Variants in SENP7 observed in about 807,000 individuals in gnomAD.
SENP7 encodes the protein SUMO specific peptidase 7, also known as sentrin-specific protease 7.
SENP7 carries 64 observed loss-of-function variants against 141.2 expected under a neutral mutation model. The observed-to-expected ratio is 0.45, with a 90% CI of 0.37 to 0.56. The LOEUF (loss-of-function observed/expected upper bound fraction) is 0.56. Among genes scored for constraint, SENP7 ranks in the 20% least tolerant of loss-of-function variants. SENP7 has a pLI of 0.00. For missense variants in SENP7, 1,025 were observed against 1,212.2 expected (o/e 0.85, Z 2.29); for synonymous variants, 382 against 426.4 (o/e 0.90, Z 1.28).
At position 101,328,717 on chromosome 3, in the gene SENP7, C is replaced by T. The variant is rs758890241; in HGVS notation, c.2752-28G>A. On this transcript the variant is annotated intron_variant, in intron 20 of 23. Coordinates refer to ENST00000394095, the MANE Select transcript of SENP7 (RefSeq NM_020654.5). ...GAAATAACATAAATTTTTATGACTG[C>T]AATTAAAGCTATTTTGAATAATTTA... 47 of 1,542,820 alleles carry T rather than the reference C, an allele frequency of 3.0e-5. No individual in the cohort carries two copies. In the South Asian group the frequency reaches 5.2e-4, roughly 17 times the overall value.
chr3:101,437,511 A>C (rs1019830063), intron 4 of SENP7, among the ~76,000 whole-genome samples: 10 of 152,208 alleles, frequency 6.6e-5, no homozygotes, highest in African/African-American at 2.4e-4. Context: ...ATATGTACCC[A>C]CAAAAAAATT....
intron 16 of SENP7, among the ~76,000 whole-genome samples, chr3:101,338,182 T>A (rs1427779400): frequency 4.0e-5 from 6 of 151,652 alleles, no homozygotes; most frequent in South Asian, 2.1e-4. Flanking sequence ...AAAAAACTTT[T>A]AAAAATTCCT....
At chr3:101,491,884 G>A (rs2108097980) in intron 3 of SENP7, among the ~76,000 whole-genome samples, 1 of 152,248 alleles carries the variant, frequency 6.6e-6, no homozygotes, top group East Asian at 1.9e-4. Context: ...CTGAGGTTGG[G>A]AGTTCGAGAC....
At chr3:101,453,472 T>C (rs1359199129) in intron 4 of SENP7, among the ~76,000 whole-genome samples, 2 of 152,088 alleles carry the variant, frequency 1.3e-5, no homozygotes, top group African/African-American at 4.8e-5. Context: ...AACCCAAATG[T>C]CCAACAATGG....
chr3:101,351,336 T>C (rs2059607168), intron 12 of SENP7, among the ~76,000 whole-genome samples: 1 of 151,978 alleles, frequency 6.6e-6, no homozygotes, highest in South Asian at 2.1e-4. Context: ...TTATAGTTAC[T>C]ATTGTTATCC....
chr3:101,396,612 G>A (rs1177153074), intron 6 of SENP7, among the ~76,000 whole-genome samples: 1 of 152,034 alleles, frequency 6.6e-6, no homozygotes, highest in Non-Finnish European at 1.5e-5. Context: ...GGTACATAGG[G>A]CATTCAAAAT....
intron 5 of SENP7, among the ~76,000 whole-genome samples, chr3:101,408,442 G>C (rs1346662686): frequency 6.6e-6 from 1 of 151,998 alleles, no homozygotes; most frequent in Non-Finnish European, 1.5e-5. Flanking sequence ...CATGAAGACA[G>C]CATCACCTTA....
intron 12 of SENP7, among the ~76,000 whole-genome samples, chr3:101,349,872 A>G (rs776803802): frequency 1.3e-4 from 20 of 151,982 alleles, no homozygotes; most frequent in Non-Finnish European, 2.6e-4. Context: ...CAGTAACAGA[A>G]CCCTAATTTT....
At chr3:101,389,130 T>C (rs1422614627) in intron 6 of SENP7, among the ~76,000 whole-genome samples, 1 of 152,112 alleles carries the variant, frequency 6.6e-6, no homozygotes, top group Admixed American at 6.5e-5. Context: ...ATTTTTATTA[T>C]TTTATTTTTA....
intron 6 of SENP7, among the ~76,000 whole-genome samples, chr3:101,377,178 C>T (rs1265483925): frequency 6.6e-6 from 1 of 152,090 alleles, no homozygotes; most frequent in Non-Finnish European, 1.5e-5. Flanking sequence ...GTGCAATACA[C>T]AGGAGTTCCC....
intron 14 of SENP7, among the ~76,000 whole-genome samples, chr3:101,343,205 C>T (rs750877824): frequency 6.6e-6 from 1 of 152,124 alleles, no homozygotes; most frequent in Non-Finnish European, 1.5e-5. Flanking sequence ...AAAGTTACCA[C>T]TTTTCTTTTT....
intron 5 of SENP7, among the ~76,000 whole-genome samples, chr3:101,415,226 G>A (rs1183885318): frequency 6.6e-6 from 1 of 152,172 alleles, no homozygotes; most frequent in Non-Finnish European, 1.5e-5. Context: ...TAAGAACTTT[G>A]AAAGGTTCCT....
intron 6 of SENP7, among the ~76,000 whole-genome samples, chr3:101,389,623 G>C (rs2060754866): frequency 6.6e-6 from 1 of 151,954 alleles, no homozygotes; most frequent in Non-Finnish European, 1.5e-5. Context: ...TTCACCACTA[G>C]ACAGGCCCTA....
chr3:101,355,799 G>A (rs993568189), intron 11 of SENP7, among the ~76,000 whole-genome samples: 4 of 152,194 alleles, frequency 2.6e-5, no homozygotes, highest in Admixed American at 1.3e-4. Flanking sequence ...ACTGCTTTGC[G>A]CAAGATGGCC....
chr3:101,433,894 C>G (rs2062281432), intron 4 of SENP7, among the ~76,000 whole-genome samples: 1 of 152,034 alleles, frequency 6.6e-6, no homozygotes, highest in African/African-American at 2.4e-5. Flanking sequence ...AACAAACAAA[C>G]AAACAAACAT....
chr3:101,333,872 A>T (rs566446253), intron 17 of SENP7, among the ~76,000 whole-genome samples: 2 of 152,266 alleles, frequency 1.3e-5, no homozygotes, highest in East Asian at 3.9e-4. Context: ...CCTTTTTGGC[A>T]CCAGGGACTG....
At position 101,396,449 on chromosome 3, in the gene SENP7, C is replaced by CT. The variant is rs138161873; in HGVS notation, c.677+2411dup. Among the ~76,000 whole-genome samples the CT allele has an allele frequency of 8.2e-3, 1,223 of 148,368 alleles. 20 individuals are homozygous for CT. The highest frequency in any genetic ancestry group is 0.028 in the African/African-American group (1,139 of 40,524). On this transcript the variant is annotated intron_variant, in intron 6 of 23. Transcript: ENST00000394095. ...ATAAGTTTTTTCTTTTAATCTTTTT[C>CT]TTTTTTTTTTGCTCATCATTTGACT...
In SENP7 at chr3:101,425,383, CAGG is replaced by C. The variant is rs199649610; in HGVS notation, c.285-7596_285-7594del. On this transcript the variant is annotated intron_variant, in intron 4 of 23. Coordinates refer to ENST00000394095, the MANE Select transcript of SENP7 (RefSeq NM_020654.5). ...TCCCACAGAGTTAGAGCACACAGTC[CAGG>C]AGAAGTTGGGAGCTGAGCACTGGTA... is the stretch of plus-strand genomic sequence containing the variant. 2.7e-3 allele frequency among the ~76,000 whole-genome samples: 417 copies of C among 152,246 alleles called. 5 individuals are homozygous for C. Among genetic ancestry groups the C allele is most frequent in the East Asian group, 0.017 (87 of 5,178 alleles).
intron 2 of SENP7, among the ~76,000 whole-genome samples, chr3:101,500,191 A>G (rs2065322585): frequency 6.6e-6 from 1 of 152,206 alleles, no homozygotes; most frequent in African/African-American, 2.4e-5. Context: ...TTCAGAGAAA[A>G]GGGTTTAATA....
Sources: gnomAD v4.1 joint callset for allele counts (sites outside exome capture counted in the v4.1 genomes callset) on GRCh38, gnomAD v4.1.1 for gene constraint, MANE v1.5 for transcripts, NCBI Gene and HGNC (gene_info 2026-07-23, HGNC 2026-07-21) for gene names.